GABRA3: variants seen among roughly 807,000 people sequenced by gnomAD.
The protein encoded by GABRA3 is gamma-aminobutyric acid receptor subunit alpha-3.
GABRA3 carries 10 observed loss-of-function variants against 30.1 expected under a neutral mutation model. The observed-to-expected ratio is 0.33, with a 90% CI of 0.20 to 0.56. The LOEUF (loss-of-function observed/expected upper bound fraction) is 0.56, where lower values mean the gene tolerates loss of function less well. Ranked by LOEUF, GABRA3 falls within the 20% of genes least tolerant of loss-of-function variation. The pLI, the probability that GABRA3 is intolerant of heterozygous loss-of-function variation, is 0.89. For synonymous variants in GABRA3, 151 were observed against 146.8 expected (o/e 1.03, Z -0.21); for missense variants, 233 against 392.0 (o/e 0.59, Z 3.42).
intron 3 of GABRA3, among the ~76,000 whole-genome samples, chrX:152,305,085 CCTG>C (rs1290139818): frequency 1.8e-5 from 2 of 110,305 alleles, no homozygotes; most frequent in African/African-American, 6.6e-5. Flanking sequence ...ATAGCTTATG[CCTG>C]CTTAGTATTT....
intron 2 of GABRA3, among the ~76,000 whole-genome samples, chrX:152,361,656 G>A (rs1406351773): frequency 1.0e-5 from 1 of 96,038 alleles, no homozygotes; most frequent in Non-Finnish European, 2.1e-5. Flanking sequence ...TTGTCTGTTT[G>A]TTTGTTTTAG....
At chrX:152,415,308 AC>A (rs1454923426) in intron 1 of GABRA3, among the ~76,000 whole-genome samples, 1 of 111,231 alleles carries the variant, frequency 9.0e-6, no homozygotes, top group Non-Finnish European at 1.9e-5. Flanking sequence ...TTTTCTGTAA[AC>A]CTAAAACTAC....
intron 5 of GABRA3, among the ~76,000 whole-genome samples, chrX:152,241,256 A>T (rs773263516): frequency 9.9e-4 from 88 of 88,864 alleles, no homozygotes; most frequent in Admixed American, 4.5e-3. Context: ...AATACCCTGC[A>T]GTGTGAGGTG....
chrX:152,200,495 T>G (rs1297154152), intron 7 of GABRA3, among the ~76,000 whole-genome samples: 1 of 111,942 alleles, frequency 8.9e-6, no homozygotes, highest in Non-Finnish European at 1.9e-5. Context: ...TTCTCTCTGC[T>G]TCTTTTTTTC....
At chrX:152,426,625 G>A (rs1008986905) in intron 1 of GABRA3, among the ~76,000 whole-genome samples, 24 of 111,536 alleles carry the variant, frequency 2.2e-4, no homozygotes, top group African/African-American at 4.9e-4. Context: ...GTATACCTCC[G>A]CTGTACTTTC....
chrX:152,400,980 T>C (rs917939622), intron 1 of GABRA3, among the ~76,000 whole-genome samples: 12 of 111,235 alleles, frequency 1.1e-4, no homozygotes, highest in African/African-American at 3.3e-4. Context: ...GTCAACAACC[T>C]GAGTGAGCTT....
chrX:152,446,469 C>T (rs765407608), intron 1 of GABRA3, among the ~76,000 whole-genome samples: 5 of 110,054 alleles, frequency 4.5e-5, no homozygotes, highest in Middle Eastern at 4.7e-3. Flanking sequence ...CTTCATAACA[C>T]TGTACTCTTC....
chrX:152,192,836 C>T (rs1326809960), intron 8 of GABRA3, among the ~76,000 whole-genome samples: 5 of 111,827 alleles, frequency 4.5e-5, no homozygotes, highest in African/African-American at 6.5e-5. Context: ...AACCCTTTAT[C>T]GCAAACTCTT....
At chrX:152,244,654 C>T (rs1938433675) in intron 5 of GABRA3, among the ~76,000 whole-genome samples, 1 of 111,275 alleles carries the variant, frequency 9.0e-6, no homozygotes, top group Non-Finnish European at 1.9e-5. Context: ...GCCCATTTGC[C>T]TTCGACCCAC....
intron 9 of GABRA3, among the ~76,000 whole-genome samples, chrX:152,173,330 T>C (rs759910638): frequency 6.1e-4 from 68 of 110,993 alleles, no homozygotes; most frequent in Non-Finnish European, 1.1e-3. Flanking sequence ...GATTAGATAC[T>C]ATATTTTGGT....
intron 3 of GABRA3, among the ~76,000 whole-genome samples, chrX:152,323,760 A>G (rs1200148187): frequency 8.9e-6 from 1 of 112,261 alleles, no homozygotes; most frequent in Non-Finnish European, 1.9e-5. Context: ...TGTGTGCTTA[A>G]TACTGTTTAC....
intron 3 of GABRA3, among the ~76,000 whole-genome samples, chrX:152,305,577 A>C (rs1012527056): frequency 2.7e-5 from 3 of 111,549 alleles, no homozygotes; most frequent in African/African-American, 9.8e-5. Context: ...TGTAATAACT[A>C]CCTAAAAGTA....
chrX:152,226,716 G>C (rs1937963118), intron 5 of GABRA3, among the ~76,000 whole-genome samples: 1 of 111,304 alleles, frequency 9.0e-6, no homozygotes, highest in Non-Finnish European at 1.9e-5. Context: ...TCAACAAGTG[G>C]GCGAAGGATA....
chrX:152,268,349 T>G (rs1249434237), intron 4 of GABRA3, among the ~76,000 whole-genome samples: 1 of 111,860 alleles, frequency 8.9e-6, no homozygotes, highest in African/African-American at 3.3e-5. Context: ...GTTCTCCTGA[T>G]AGTGAATAAG....
chrX:152,301,261 C>G (rs761072210), intron 3 of GABRA3, among the ~76,000 whole-genome samples: 1 of 111,574 alleles, frequency 9.0e-6, no homozygotes, highest in Non-Finnish European at 1.9e-5. Flanking sequence ...CTATATCCAG[C>G]AAAACTATGT....
intron 9 of GABRA3, among the ~76,000 whole-genome samples, chrX:152,172,033 T>C (rs768528559): frequency 8.3e-4 from 93 of 111,753 alleles, no homozygotes; most frequent in African/African-American, 3.0e-3. Context: ...GCTCAGCTTT[T>C]CTGAGCCCAT....
At chrX:152,427,544 C>T (rs963411187) in intron 1 of GABRA3, among the ~76,000 whole-genome samples, 3 of 112,030 alleles carry the variant, frequency 2.7e-5, no homozygotes, top group Non-Finnish European at 5.6e-5. Context: ...TCCCCACTAA[C>T]CTAGGTCTGC....
At chrX:152,309,613 C>A (rs2124459071) in intron 3 of GABRA3, among the ~76,000 whole-genome samples, 1 of 111,733 alleles carries the variant, frequency 8.9e-6, no homozygotes, top group African/African-American at 3.2e-5. Flanking sequence ...TCATTCCCAC[C>A]AGACCTGCCT....
At chrX:152,380,053 A>G (rs1486560574) in intron 1 of GABRA3, among the ~76,000 whole-genome samples, 1 of 111,723 alleles carries the variant, frequency 9.0e-6, no homozygotes, top group African/African-American at 3.3e-5. Flanking sequence ...ATGTGGAATG[A>G]TTAAATCAAG....
Sources: allele counts gnomAD v4.1 joint callset (sites outside exome capture counted in the v4.1 genomes callset), GRCh38; gene constraint gnomAD v4.1.1; transcripts MANE v1.5; gene names NCBI Gene and HGNC (gene_info 2026-07-23, HGNC 2026-07-21).